The following STPG2 variants were observed in gnomAD, a reference collection of about 807,000 sequenced individuals.
STPG2 encodes sperm-tail PG-rich repeat-containing protein 2.
In STPG2, 56 loss-of-function variants were observed where a neutral mutation model predicts 54.2. That is an observed-to-expected ratio of 1.03 (90% confidence interval 0.83 to 1.29). STPG2 has a LOEUF of 1.29. STPG2 is among the 50% of genes most tolerant of loss of function. The pLI is 0.00. For missense variants in STPG2, 596 were observed against 544.9 expected, an observed-to-expected ratio of 1.09 and a Z score of -0.93; for synonymous variants, 200 against 181.8, an observed-to-expected ratio of 1.10 and a Z score of -0.81.
At chr4:97,905,524 G>T (rs368601257) in intron 8 of STPG2, among the ~76,000 whole-genome samples, 1 of 151,866 alleles carries the variant, frequency 6.6e-6, no homozygotes, top group Non-Finnish European at 1.5e-5. Context: ...AAAGACCATC[G>T]AGACTAGGAA....
At chr4:97,826,995 T>C (rs1728278793) in intron 9 of STPG2, among the ~76,000 whole-genome samples, 1 of 152,190 alleles carries the variant, frequency 6.6e-6, no homozygotes, top group Non-Finnish European at 1.5e-5. Flanking sequence ...TACAGGAATT[T>C]GACAGGTGAT....
At chr4:97,538,374 C>A (rs965757720) in intron 4 of STPG2, among the ~76,000 whole-genome samples, 1 of 152,150 alleles carries the variant, frequency 6.6e-6, no homozygotes, top group African/African-American at 2.4e-5. Flanking sequence ...AAACCCATGG[C>A]ACAACAACTA....
intron 9 of STPG2, among the ~76,000 whole-genome samples, chr4:97,748,777 T>A (rs1222516552): frequency 6.6e-6 from 1 of 151,630 alleles, no homozygotes; most frequent in Non-Finnish European, 1.5e-5. Flanking sequence ...AATAGTATTC[T>A]AATTTTGATT....
At chr4:98,130,614 T>G (rs1739959161) in intron 2 of STPG2, among the ~76,000 whole-genome samples, 1 of 151,990 alleles carries the variant, frequency 6.6e-6, no homozygotes, top group Non-Finnish European at 1.5e-5. Flanking sequence ...AAAAAGAATT[T>G]GTGTGATGTC....
chr4:97,961,030 G>A (rs758548855), intron 7 of STPG2, among the ~76,000 whole-genome samples: 21 of 151,380 alleles, frequency 1.4e-4, no homozygotes, highest in East Asian at 1.9e-4. Flanking sequence ...TAGAGAACTC[G>A]GAAATAAACC....
At chr4:98,003,634 T>C (rs1466704930) in intron 5 of STPG2, among the ~76,000 whole-genome samples, 1 of 152,128 alleles carries the variant, frequency 6.6e-6, no homozygotes, top group African/African-American at 2.4e-5. Flanking sequence ...ATTAGATTTA[T>C]ATTTCATTTC....
At chr4:97,969,697 C>A (rs980531785) in intron 7 of STPG2, among the ~76,000 whole-genome samples, 10 of 152,184 alleles carry the variant, frequency 6.6e-5, no homozygotes, top group African/African-American at 1.4e-4. Context: ...AAACCCACAG[C>A]CAGTATCATA....
chr4:97,858,036 C>T (rs1273615835), intron 8 of STPG2, among the ~76,000 whole-genome samples: 1 of 151,926 alleles, frequency 6.6e-6, no homozygotes, highest in Non-Finnish European at 1.5e-5. Flanking sequence ...TAAAGCATAC[C>T]TCCAAGATCT....
At chr4:97,930,788 T>A (rs1164993658) in intron 8 of STPG2, among the ~76,000 whole-genome samples, 3 of 152,218 alleles carry the variant, frequency 2.0e-5, no homozygotes, top group African/African-American at 7.2e-5. Flanking sequence ...ATTTTAACAA[T>A]ATTGATTCTT....
chr4:98,038,242 A>G (rs1736833884), intron 5 of STPG2, among the ~76,000 whole-genome samples: 1 of 152,020 alleles, frequency 6.6e-6, no homozygotes, highest in Non-Finnish European at 1.5e-5. Context: ...TGTCTATGAA[A>G]AGCCAAGAAA....
intron 10 of STPG2, among the ~76,000 whole-genome samples, chr4:97,598,649 T>C (rs571420439): frequency 2.0e-5 from 3 of 151,242 alleles, no homozygotes; most frequent in South Asian, 2.1e-4. Flanking sequence ...TTTGAAGAAG[T>C]TGACAAAAAC....
chr4:97,468,679 T>A (rs1376772437), intron 4 of STPG2, among the ~76,000 whole-genome samples: 1 of 152,006 alleles, frequency 6.6e-6, no homozygotes, highest in African/African-American at 2.4e-5. Flanking sequence ...GACTATTAAA[T>A]TTTTTCCTAT....
chr4:97,958,965 T>C (rs796314076), intron 7 of STPG2, among the ~76,000 whole-genome samples: 18 of 152,306 alleles, frequency 1.2e-4, no homozygotes, highest in African/African-American at 3.8e-4. Context: ...ATAGACCATA[T>C]GATAGGCCAT....
chr4:97,922,599 T>A (rs1033898891), intron 8 of STPG2, among the ~76,000 whole-genome samples: 2 of 152,120 alleles, frequency 1.3e-5, no homozygotes, highest in Non-Finnish European at 1.5e-5. Flanking sequence ...GCCAATGGGG[T>A]GAAATGTATG....
intron 5 of STPG2, among the ~76,000 whole-genome samples, chr4:98,017,582 T>C (rs974039278): frequency 3.3e-5 from 5 of 152,224 alleles, no homozygotes; most frequent in Admixed American, 3.3e-4. Context: ...TCTTTTCTTA[T>C]TTATGTGCTC....
chr4:97,672,810 TG>T (rs1722740178), intron 10 of STPG2, among the ~76,000 whole-genome samples: 1 of 152,214 alleles, frequency 6.6e-6, no homozygotes, highest in Non-Finnish European at 1.5e-5. Flanking sequence ...GTGATAATGT[TG>T]ACTGTAAGAT....
intron 10 of STPG2, among the ~76,000 whole-genome samples, chr4:97,633,153 AATAAT>A (rs1424052531): frequency 1.3e-5 from 2 of 152,158 alleles, no homozygotes; most frequent in African/African-American, 4.8e-5. Flanking sequence ...ACATTCTTAT[AATAAT>A]ATAATAATTG....
At chr4:97,963,761 C>A (rs141966670) in intron 7 of STPG2, among the ~76,000 whole-genome samples, 1 of 151,362 alleles carries the variant, frequency 6.6e-6, no homozygotes, top group Non-Finnish European at 1.5e-5. Flanking sequence ...ATACTTATAT[C>A]GGACTAAATG....
At chr4:98,139,875 T>G (rs1274348687) in intron 1 of STPG2, among the ~76,000 whole-genome samples, 1 of 152,238 alleles carries the variant, frequency 6.6e-6, no homozygotes, top group Non-Finnish European at 1.5e-5. Flanking sequence ...TTAATTTTAT[T>G]TCAAGATTAC....
Sources: allele counts gnomAD v4.1 joint callset (sites outside exome capture counted in the v4.1 genomes callset), GRCh38; gene constraint gnomAD v4.1.1; transcripts MANE v1.5; gene names NCBI Gene and HGNC (gene_info 2026-07-23, HGNC 2026-07-21).